Variants in NRG1 observed in about 807,000 individuals in gnomAD.
NRG1 encodes the protein pro-neuregulin-1, membrane-bound isoform.
A neutral mutation model predicts 63.8 loss-of-function variants in NRG1; 18 were observed. The observed-to-expected ratio is 0.28, with a 90% CI of 0.19 to 0.42. The LOEUF is 0.42. Ranked by LOEUF, NRG1 falls within the 10% of genes least tolerant of loss-of-function variation. The pLI, the probability that NRG1 is intolerant of heterozygous loss-of-function variation, is 1.00. For synonymous variants in NRG1, 302 were observed against 301.3 expected, an observed-to-expected ratio of 1.00 and a Z score of -0.02; for missense variants, 762 against 814.7, an observed-to-expected ratio of 0.94 and a Z score of 0.79.
chr8:31,920,230 G>A (rs1833785045), intron 1 of NRG1, among the ~76,000 whole-genome samples: 1 of 151,968 alleles, frequency 6.6e-6, no homozygotes, highest in African/African-American at 2.4e-5. Flanking sequence ...TGTGATACTT[G>A]TACTGTTAGT....
chr8:32,132,396 G>A (rs1436672544), intron 1 of NRG1, among the ~76,000 whole-genome samples: 1 of 152,040 alleles, frequency 6.6e-6, no homozygotes, highest in Non-Finnish European at 1.5e-5. Flanking sequence ...CCAAAAAGGT[G>A]TGAGATTGAC....
intron 5 of NRG1, among the ~76,000 whole-genome samples, chr8:32,662,723 A>G (rs1803167464): frequency 6.6e-6 from 1 of 152,164 alleles, no homozygotes; most frequent in Non-Finnish European, 1.5e-5. Flanking sequence ...GTAATGATGA[A>G]TTGGATATGG....
At chr8:32,103,960 A>C (rs546000711) in intron 1 of NRG1, among the ~76,000 whole-genome samples, 1 of 152,320 alleles carries the variant, frequency 6.6e-6, no homozygotes, top group South Asian at 2.1e-4. Flanking sequence ...CTGCTAAAAG[A>C]GGAAAACATT....
chr8:32,064,206 G>A (rs1021057453), intron 1 of NRG1, among the ~76,000 whole-genome samples: 2 of 152,094 alleles, frequency 1.3e-5, no homozygotes, highest in African/African-American at 2.4e-5. Context: ...AGAAGTCATC[G>A]GCTAAGCTAG....
chr8:32,057,204 G>T (rs1823090853), intron 1 of NRG1, among the ~76,000 whole-genome samples: 1 of 152,092 alleles, frequency 6.6e-6, no homozygotes, highest in African/African-American at 2.4e-5. Flanking sequence ...CGTGTGAATA[G>T]ATCTCTTTAT....
intron 1 of NRG1, among the ~76,000 whole-genome samples, chr8:32,082,852 T>G (rs150729055): frequency 3.9e-4 from 60 of 152,290 alleles, no homozygotes; most frequent in Non-Finnish European, 7.9e-4. Context: ...AACTGTCACA[T>G]GCAAGTATAT....
At chr8:31,766,366 G>C (rs1818060936) in intron 1 of NRG1, among the ~76,000 whole-genome samples, 1 of 152,238 alleles carries the variant, frequency 6.6e-6, no homozygotes, top group South Asian at 2.1e-4. Context: ...TAAAAAGCCT[G>C]CAATGAGAAA....
At chr8:32,639,937 A>G (rs1189583552) in intron 5 of NRG1, among the ~76,000 whole-genome samples, 1 of 152,194 alleles carries the variant, frequency 6.6e-6, no homozygotes, top group African/African-American at 2.4e-5. Context: ...AACTACATCC[A>G]TTATCATTTT....
chr8:32,700,157 A>G (rs927365005), intron 5 of NRG1, among the ~76,000 whole-genome samples: 1 of 152,108 alleles, frequency 6.6e-6, no homozygotes, highest in Non-Finnish European at 1.5e-5. Flanking sequence ...AAAACTCTGT[A>G]TCTGTCTTTG....
chr8:32,444,308 G>GTTTT (rs1473073665), intron 1 of NRG1, among the ~76,000 whole-genome samples: 1 of 151,698 alleles, frequency 6.6e-6, no homozygotes, highest in Non-Finnish European at 1.5e-5. Context: ...GTTTGGGGTG[G>GTTTT]TTTTGTTTGT....
chr8:31,804,115 G>C (rs578217521), intron 1 of NRG1, among the ~76,000 whole-genome samples: 5 of 152,042 alleles, frequency 3.3e-5, no homozygotes, highest in Non-Finnish European at 7.4e-5. Context: ...AGTCCCTGAG[G>C]GCAGAGGTCT....
intron 1 of NRG1, among the ~76,000 whole-genome samples, chr8:31,877,140 C>T (rs1262350528): frequency 6.6e-6 from 1 of 151,962 alleles, no homozygotes; most frequent in African/African-American, 2.4e-5. Context: ...TAATTACCTG[C>T]TTGATAGAAG....
chr8:32,205,079 C>T (rs746392321), intron 1 of NRG1, among the ~76,000 whole-genome samples: 70 of 152,138 alleles, frequency 4.6e-4, no homozygotes, highest in South Asian at 1.7e-3. Context: ...GAGAAGTAGA[C>T]GTGATATGTT....
At chr8:32,048,966 A>G (rs1484911903) in intron 1 of NRG1, among the ~76,000 whole-genome samples, 1 of 152,066 alleles carries the variant, frequency 6.6e-6, no homozygotes, top group African/African-American at 2.4e-5. Flanking sequence ...GCCTAAAAAA[A>G]GAGCATTCTG....
chr8:32,540,095 T>C (rs1832424147), intron 1 of NRG1, among the ~76,000 whole-genome samples: 2 of 152,176 alleles, frequency 1.3e-5, no homozygotes, highest in Admixed American at 6.5e-5. Flanking sequence ...TTGTTGTTGT[T>C]GTTATGGTTT....
chr8:32,532,895 T>C (rs1831592968), intron 1 of NRG1, among the ~76,000 whole-genome samples: 1 of 152,038 alleles, frequency 6.6e-6, no homozygotes, highest in Non-Finnish European at 1.5e-5. Context: ...AAATGCAAAA[T>C]TTGTAACAAT....
rs1563258051 is a variant in NRG1, at chr8:31,652,995, CTCTCCTCT to C, written c.37+13565_37+13572del. On this transcript the variant is annotated intron_variant, in intron 1 of 10. Transcript: ENST00000519301. ...CTCTCCTCTCCTCTCCTCTCCTCTC[CTCTCCTCT>C]CCTCCCCTCCCCTCCCCTCCCCTTC... Among the ~76,000 whole-genome samples, 98 of 84,932 alleles carry C rather than the reference CTCTCCTCT, an allele frequency of 1.2e-3. 5 individuals are homozygous for C. The highest frequency in any genetic ancestry group is 5.6e-3 in the Middle Eastern group (1 of 178). The allele number at this position is 84,932 out of a possible 152,430, so 55.7% of individuals were successfully genotyped here. A position where few individuals can be genotyped will look rare whatever the true frequency, so the allele number is the denominator to read the frequency against.
intron 1 of NRG1, among the ~76,000 whole-genome samples, chr8:31,939,261 C>T (rs1801398144): frequency 6.6e-6 from 1 of 152,098 alleles, no homozygotes; most frequent in Non-Finnish European, 1.5e-5. Context: ...TATTCTTAGC[C>T]TCTTTAAACA....
At chr8:32,363,712 T>C (rs763017441) in intron 1 of NRG1, among the ~76,000 whole-genome samples, 1 of 152,162 alleles carries the variant, frequency 6.6e-6, no homozygotes, top group Non-Finnish European at 1.5e-5. Context: ...TATCTCTGTT[T>C]TTTTTAATTT....
Sources: gnomAD v4.1 joint callset for allele counts (sites outside exome capture counted in the v4.1 genomes callset) on GRCh38, gnomAD v4.1.1 for gene constraint, MANE v1.5 for transcripts, NCBI Gene and HGNC (gene_info 2026-07-23, HGNC 2026-07-21) for gene names.